Variants in SYT1 observed in about 807,000 individuals in gnomAD.
The protein encoded by SYT1 is synaptotagmin 1, also known as synaptotagmin-1.
In SYT1, 8 loss-of-function variants were observed where a neutral mutation model predicts 44.8. The ratio of observed to expected loss-of-function variants is 0.18; its 90% CI spans 0.10 to 0.32. The LOEUF (loss-of-function observed/expected upper bound fraction) is 0.32. Ranked by LOEUF, SYT1 falls within the 10% of genes least tolerant of loss-of-function variation. The pLI is 1.00. For synonymous variants in SYT1, 154 were observed against 188.8 expected, an observed-to-expected ratio of 0.82 and a Z score of 1.51; for missense variants, 286 against 509.3, an observed-to-expected ratio of 0.56 and a Z score of 4.22.
intron 4 of SYT1, among the ~76,000 whole-genome samples, chr12:79,276,504 C>A (rs1359849649): frequency 6.6e-6 from 1 of 151,586 alleles, no homozygotes; most frequent in African/African-American, 2.4e-5. Flanking sequence ...GGTGAAACCC[C>A]ATCTCTACTA....
At chr12:78,986,746 C>T (rs947061459) in intron 2 of SYT1, among the ~76,000 whole-genome samples, 2 of 151,914 alleles carry the variant, frequency 1.3e-5, no homozygotes, top group African/African-American at 4.8e-5. Context: ...GTTTGTGAAA[C>T]AGAATATATA....
intron 8 of SYT1, among the ~76,000 whole-genome samples, chr12:79,308,667 G>C (rs148494877): frequency 0.01 from 1,558 of 149,392 alleles, 31 homozygotes; most frequent in African/African-American, 0.037. Flanking sequence ...AAAAGAGAAG[G>C]AAGCAATAGA....
chr12:79,435,158 G>A (rs1870014853), intron 9 of SYT1, among the ~76,000 whole-genome samples: 1 of 152,128 alleles, frequency 6.6e-6, no homozygotes, highest in South Asian at 2.1e-4. Context: ...AGCTGGTGCA[G>A]TCATTTGCAT....
rs189233497 is a variant in SYT1 at position 79,178,981 on chromosome 12, G to A, written c.-17-38522G>A. ...ATATAGATATAGATATATAGATATA[G>A]ATATATCTATATAGATATAGATATA... On this transcript the variant is annotated intron_variant, in intron 3 of 10. Coordinates refer to ENST00000261205, the MANE Select transcript of SYT1 (RefSeq NM_005639.3). 1.1e-3 allele frequency among the ~76,000 whole-genome samples: 107 copies of A among 95,258 alleles called. 6 individuals carry two copies. Among genetic ancestry groups the A allele is most frequent in the Admixed American group, 1.8e-3 (14 of 7,928 alleles). The allele number at this position is 95,258 out of a possible 152,430, so 62.5% of individuals were successfully genotyped here.
At chr12:79,160,296 T>TCCCCAG (rs543860863) in intron 3 of SYT1, among the ~76,000 whole-genome samples, 93 of 152,092 alleles carry the variant, frequency 6.1e-4, no homozygotes, top group African/African-American at 2.2e-3. Context: ...ACATGTGGGA[T>TCCCCAG]CCCCAGCAGG....
At chr12:79,362,793 G>C (rs1198809436) in intron 9 of SYT1, among the ~76,000 whole-genome samples, 6 of 152,124 alleles carry the variant, frequency 3.9e-5, no homozygotes, top group East Asian at 1.9e-4. Flanking sequence ...AGATAAAAGG[G>C]ATAGCTATTC....
chr12:79,448,956 G>A lies in SYT1; in HGVS notation c.1101G>A (p.Lys367=). 1.2e-6 allele frequency: 2 copies of A among 1,614,192 alleles called. No individual in the cohort carries two copies. Among genetic ancestry groups the A allele is most frequent in the Non-Finnish European group, 1.7e-6 (2 of 1,180,022 alleles). The change falls in exon 11 of 11, where the codon AAG becomes AAA. Residue 367 remains lysine (K), a synonymous_variant. Transcript: ENST00000261205. ...QVVVTVLDYD[K]IGKNDAIGKV... ...TGGTAACTGTTTTGGACTATGACAA[G>A]ATTGGCAAGAACGATGCCATCGGCA...
intron 3 of SYT1, among the ~76,000 whole-genome samples, chr12:79,097,659 C>A (rs2138034081): frequency 6.6e-6 from 1 of 152,076 alleles, no homozygotes; most frequent in East Asian, 1.9e-4. Flanking sequence ...GAGGCCTTAC[C>A]CAGCTTTATT....
At chr12:79,287,903 T>C (rs1295133190) in intron 5 of SYT1, among the ~76,000 whole-genome samples, 1 of 152,174 alleles carries the variant, frequency 6.6e-6, no homozygotes, top group East Asian at 1.9e-4. Context: ...AGTGATAGTT[T>C]ATACTAATCT....
At chr12:79,096,034 G>A (rs1878106960) in intron 3 of SYT1, among the ~76,000 whole-genome samples, 1 of 151,892 alleles carries the variant, frequency 6.6e-6, no homozygotes, top group Admixed American at 6.6e-5. Flanking sequence ...ATGGGAGGAT[G>A]AGGGGAAGAA....
intron 2 of SYT1, among the ~76,000 whole-genome samples, chr12:78,993,496 C>T (rs535752659): frequency 1.3e-5 from 2 of 152,260 alleles, no homozygotes; most frequent in East Asian, 1.9e-4. Flanking sequence ...GGCATGGATG[C>T]CCATTCAGAA....
intron 4 of SYT1, among the ~76,000 whole-genome samples, chr12:79,250,908 A>G (rs1339101509): frequency 6.6e-6 from 1 of 152,098 alleles, no homozygotes; most frequent in Non-Finnish European, 1.5e-5. Flanking sequence ...GGTGTCCTCT[A>G]CATGTTGGTT....
At chr12:79,026,111 A>G (rs1173825960) in intron 2 of SYT1, among the ~76,000 whole-genome samples, 1 of 151,688 alleles carries the variant, frequency 6.6e-6, no homozygotes, top group African/African-American at 2.4e-5. Context: ...ATAATTTTTA[A>G]AGGAAATATT....
At chr12:79,029,054 T>C (rs1425054647) in intron 2 of SYT1, among the ~76,000 whole-genome samples, 2 of 151,326 alleles carry the variant, frequency 1.3e-5, no homozygotes, top group African/African-American at 2.4e-5. Context: ...TGCAGAAATA[T>C]GTACAAGATA....
At chr12:79,022,371 TACCTGTAG>T (rs1253970557) in intron 2 of SYT1, among the ~76,000 whole-genome samples, 1 of 151,792 alleles carries the variant, frequency 6.6e-6, no homozygotes, top group African/African-American at 2.4e-5. Flanking sequence ...ATGATCTGGG[TACCTGTAG>T]ACCCCAAGAC....
intron 8 of SYT1, among the ~76,000 whole-genome samples, chr12:79,329,862 C>T (rs1881779063): frequency 6.6e-6 from 1 of 152,214 alleles, no homozygotes; most frequent in Non-Finnish European, 1.5e-5. Flanking sequence ...GCACTTATTG[C>T]TTGTTTAGAG....
rs1267213595 is a variant in SYT1, at chr12:79,174,968, G to C, written c.-17-42535G>C. Among the ~76,000 whole-genome samples, 4 of 151,968 alleles carry C rather than the reference G, an allele frequency of 2.6e-5. No individual in the cohort carries two copies. In the East Asian group the frequency reaches 7.7e-4, roughly 29 times the overall value. On this transcript the variant is annotated intron_variant, in intron 3 of 10. Transcript: ENST00000261205. ...CTTTAAGAATATATTTTATTTTATA[G>C]TTAATATTCATCAAAGTTTCAGAAA...
intron 9 of SYT1, among the ~76,000 whole-genome samples, chr12:79,399,320 C>A (rs1287530481): frequency 7.3e-6 from 1 of 136,462 alleles, no homozygotes. Flanking sequence ...TTTCAAAATT[C>A]CAATCACTGT....
chr12:78,962,704 T>C (rs1293508224), intron 1 of SYT1, among the ~76,000 whole-genome samples: 2 of 152,176 alleles, frequency 1.3e-5, no homozygotes, highest in East Asian at 3.9e-4. Flanking sequence ...ACAAGGAATT[T>C]GATTAATCAG....
Sources: allele counts gnomAD v4.1 joint callset (sites outside exome capture counted in the v4.1 genomes callset), GRCh38; gene constraint gnomAD v4.1.1; transcripts MANE v1.5; gene names NCBI Gene and HGNC (gene_info 2026-07-23, HGNC 2026-07-21).